The following ITIH5 variants were observed in gnomAD, a reference collection of about 807,000 sequenced individuals.
ITIH5 encodes the protein inter-alpha-trypsin inhibitor heavy chain H5.
A neutral mutation model predicts 77.5 loss-of-function variants in ITIH5; 65 were observed. The ratio of observed to expected loss-of-function variants is 0.84; its 90% CI spans 0.69 to 1.03. The LOEUF (loss-of-function observed/expected upper bound fraction) is 1.03. ITIH5 is among the 50% of genes least tolerant of loss of function. ITIH5 has a pLI of 0.00. For missense variants in ITIH5, 1,208 were observed against 1,213.1 expected (o/e 1.00, Z 0.06); for synonymous variants, 525 against 494.3 (o/e 1.06, Z -0.82).
intron 9 of ITIH5, chr10:7,578,751 T>G (rs1353047637): frequency 6.6e-6 from 1 of 152,204 alleles, no homozygotes; most frequent in Non-Finnish European, 1.5e-5. Flanking sequence ...CGATGCAGAT[T>G]AAAGCACCTC....
chr10:7,649,704 G>T (rs1271750293), intron 2 of ITIH5, among the ~76,000 whole-genome samples: 1 of 152,186 alleles, frequency 6.6e-6, no homozygotes, highest in Non-Finnish European at 1.5e-5. Flanking sequence ...GGAAGACATG[G>T]AAATGGAAAT....
chr10:7,569,459 T>G (rs1219530263), intron 12 of ITIH5: 4 of 422,280 alleles, frequency 9.5e-6, no homozygotes, highest in Non-Finnish European at 1.7e-5. Context: ...TCCCAAGGCA[T>G]GTGCCCAAGG....
Position 7,584,061 on chromosome 10 carries a change from T to C in ITIH5, c.1108+1840A>G, listed in dbSNP as rs139957396. On this transcript the variant is annotated intron_variant, in intron 8 of 13. Coordinates refer to ENST00000397146, the MANE Select transcript of ITIH5 (RefSeq NM_030569.7). The stretch of plus-strand genomic sequence containing the variant: ...AACGATTCCATTGTTATCTTCATTC[T>C]ACAGATGAGGAAACTGAGGCACAGA... Among the ~76,000 whole-genome samples, 999 of 152,318 alleles carry C rather than the reference T, an allele frequency of 6.6e-3. 32 individuals are homozygous for C. Among genetic ancestry groups the C allele is most frequent in the Admixed American group, 0.06 (924 of 15,306 alleles).
intron 7 of ITIH5, among the ~76,000 whole-genome samples, chr10:7,591,755 T>C (rs932357317): frequency 1.3e-5 from 2 of 152,158 alleles, no homozygotes; most frequent in African/African-American, 2.4e-5. Flanking sequence ...GCCCCTGCTC[T>C]CTCCTTTCAC....
At position 7,579,912 on chromosome 10, in the gene ITIH5, T is replaced by C; in HGVS notation, c.1261A>G (p.Asn421Asp). 6.2e-7 allele frequency: 1 copy of C among 1,614,200 alleles called. No individual in the cohort carries two copies. Among genetic ancestry groups the C allele is most frequent in the South Asian group, 1.1e-5 (1 of 91,080 alleles). ...CCTCGGGCGGCCTCTCGGGTGTTGT[T>C]GAGGATCTTGAGGGTGTGCGTCTCC... ...VGETHTLKIL[N>D]NTREAARGQV... Residue 421 changes from asparagine (N) to aspartate (D), a missense_variant, in exon 9 of 14, where the codon AAC becomes GAC. Transcript: ENST00000397146.
chr10:7,638,993 T>A (rs910208516), intron 4 of ITIH5, among the ~76,000 whole-genome samples: 1 of 152,134 alleles, frequency 6.6e-6, no homozygotes, highest in African/African-American at 2.4e-5. Context: ...TCATTTTATA[T>A]CATAAGAAAA....
intron 5 of ITIH5, among the ~76,000 whole-genome samples, chr10:7,627,827 C>CTTTTTTTTTTTTTTTTTTTTTT (rs869139058): frequency 1.1e-5 from 1 of 90,804 alleles, no homozygotes; most frequent in African/African-American, 4.9e-5. Flanking sequence ...TGAAATTAAC[C>CTTTTTTTTTTTTTTTTTTTTTT]TTTTTTTTTT....
chr10:7,570,987 C>T (rs1832285393), intron 11 of ITIH5, among the ~76,000 whole-genome samples: 1 of 152,172 alleles, frequency 6.6e-6, no homozygotes, highest in South Asian at 2.1e-4. Flanking sequence ...GCACGCTGTG[C>T]ACGGTGTAGG....
chr10:7,587,854 T>A (rs1019701491), intron 7 of ITIH5, among the ~76,000 whole-genome samples: 1 of 152,162 alleles, frequency 6.6e-6, no homozygotes, highest in Admixed American at 6.5e-5. Context: ...GGTTCATGAC[T>A]CTTTGCCTTT....
chr10:7,621,053 C>G (rs1833467050), intron 5 of ITIH5: 1 of 152,186 alleles, frequency 6.6e-6, no homozygotes, highest in African/African-American at 2.4e-5. Flanking sequence ...TGGGACTCCG[C>G]CATTTGTGTT....
At chr10:7,594,664 A>C (rs1832859926) in intron 7 of ITIH5, among the ~76,000 whole-genome samples, 1 of 152,196 alleles carries the variant, frequency 6.6e-6, no homozygotes, top group Non-Finnish European at 1.5e-5. Context: ...CTTTGGGGCC[A>C]TAAGAAGAGT....
In ITIH5 at chr10:7,576,575, G is replaced by A. The variant is rs771645582; in HGVS notation, c.1856C>T (p.Thr619Ile). ...AVSYRFLTPF[T>I]SMKLRGPVPR... The stretch of plus-strand genomic sequence containing the variant: ...GACCGGCCCCCTCAGCTTCATGGAG[G>A]TGAAGGGAGTGAGGAAGCGGTAGCT... The change falls in exon 10 of 14, where the codon ACC (threonine) becomes ATC (isoleucine). Residue 619 changes from threonine to isoleucine, a missense_variant. Transcript: ENST00000397146. 12 of 1,613,972 alleles carry A rather than the reference G, an allele frequency of 7.4e-6. No homozygotes were observed. The South Asian group carries it at 1.1e-4, about 15-fold the overall frequency.
intron 5 of ITIH5, among the ~76,000 whole-genome samples, chr10:7,631,509 AGAT>A (rs1168357870): frequency 1.4e-5 from 2 of 147,594 alleles, no homozygotes; most frequent in Non-Finnish European, 1.5e-5. Flanking sequence ...CTCCAAAAGA[AGAT>A]GAGATACCTA....
At chr10:7,606,619 A>G (rs1392452574) in intron 7 of ITIH5, among the ~76,000 whole-genome samples, 2 of 152,276 alleles carry the variant, frequency 1.3e-5, no homozygotes, top group East Asian at 3.9e-4. Context: ...TCAAAAAACT[A>G]CTTCTCAGGT....
rs574389762 is a variant in ITIH5, at chr10:7,579,774, C to T, written c.1399G>A (p.Ala467Thr). The stretch of plus-strand genomic sequence containing the variant: ...ACAGACCCGATGAGCTGCGAGCCTG[C>T]GTCCTCCTCCTCGTGCACGCGCCGT... ...LTRRVHEEED[A>T]GSQLIGFYDE... The change falls in exon 9 of 14, where the codon GCA becomes ACA. Residue 467 changes from alanine to threonine, a missense_variant. Transcript: ENST00000397146. 31 of 1,613,704 alleles carry T rather than the reference C, an allele frequency of 1.9e-5. No homozygotes were observed. The highest frequency in any genetic ancestry group is 3.3e-5 in the Admixed American group (2 of 60,028).
chr10:7,658,460 G>T (rs984545610), intron 1 of ITIH5, among the ~76,000 whole-genome samples: 1 of 152,180 alleles, frequency 6.6e-6, no homozygotes, highest in Admixed American at 6.5e-5. Flanking sequence ...GTCAAACTCT[G>T]TAAAATATTT....
intron 10 of ITIH5, among the ~76,000 whole-genome samples, chr10:7,574,502 AC>A (rs1832366136): frequency 6.6e-6 from 1 of 152,090 alleles, no homozygotes; most frequent in South Asian, 2.1e-4. Context: ...AAAACAAAAA[AC>A]AAAAAACCGG....
Position 7,566,397 on chromosome 10 carries a change from C to T in ITIH5, c.2160G>A (p.Val720=), listed in dbSNP as rs1432723794. The change falls in exon 13 of 14, where the codon GTG becomes GTA. Residue 720 remains valine, a synonymous_variant. Coordinates refer to ENST00000397146, the MANE Select transcript of ITIH5 (RefSeq NM_030569.7). The stretch of plus-strand genomic sequence containing the variant: ...CGGGTGCCCCAATTAACTCTCCGTT[C>T]ACTGTGACACCTCAAAGGCCAAGGG... The part of the protein sequence containing the change: ...VSDHRDSGVT[V]NGELIGAPAP... 1 of 1,596,108 alleles carries T rather than the reference C, an allele frequency of 6.3e-7. No individual in the cohort carries two copies. Among genetic ancestry groups the T allele is most frequent in the Non-Finnish European group, 8.6e-7 (1 of 1,166,182 alleles).
chr10:7,611,861 T>C (rs1183503885), intron 7 of ITIH5, among the ~76,000 whole-genome samples: 1 of 151,988 alleles, frequency 6.6e-6, no homozygotes, highest in East Asian at 1.9e-4. Context: ...ATACTGCTTT[T>C]AGGCTTAGAA....
Sources: allele counts gnomAD v4.1 joint callset (sites outside exome capture counted in the v4.1 genomes callset), GRCh38; gene constraint gnomAD v4.1.1; transcripts MANE v1.5; gene names NCBI Gene and HGNC (gene_info 2026-07-23, HGNC 2026-07-21).